DNAJC3: variants seen among roughly 807,000 people sequenced by gnomAD.
The protein encoded by DNAJC3 is DnaJ heat shock protein family (Hsp40) member C3, also known as dnaJ homolog subfamily C member 3.
Under a neutral mutation model 68.6 loss-of-function variants are expected in DNAJC3, and 38 were observed. That is an observed-to-expected ratio of 0.55 (90% CI 0.43 to 0.73). DNAJC3 has a LOEUF of 0.73. DNAJC3 is among the 30% of genes least tolerant of loss of function. The probability of loss-of-function intolerance (pLI) is 0.00; values close to 1 mark genes in which losing one functional copy is unlikely to be tolerated. For missense variants in DNAJC3, 526 were observed against 591.9 expected, an observed-to-expected ratio of 0.89 and a Z score of 1.16; for synonymous variants, 203 against 204.0, an observed-to-expected ratio of 1.00 and a Z score of 0.04.
intron 1 of DNAJC3, among the ~76,000 whole-genome samples, chr13:95,707,035 T>C (rs1463914283): frequency 6.6e-6 from 1 of 152,164 alleles, no homozygotes; most frequent in African/African-American, 2.4e-5. Flanking sequence ...AGTTTTTCCA[T>C]GGACTGGGTT....
rs1883818536 is a variant in DNAJC3, at chr13:95,792,775, GTTTATTC to G, written c.*1750_*1756del. ...TAAAAATAATTTCCAAGGCATTTCT[GTTTATTC>G]TTTAGTAATCTCACTACTGGCTATG... On this transcript the variant is annotated 3_prime_UTR_variant, in exon 12 of 12. Transcript: ENST00000602402. 6.6e-6 allele frequency: 1 copy of G among 152,090 alleles called. No homozygotes were observed. The highest frequency in any genetic ancestry group is 1.5e-5 in the Non-Finnish European group (1 of 68,006). 9.4% of individuals were successfully genotyped at this position (152,090 alleles called of 1,614,324 possible).
intron 2 of DNAJC3, among the ~76,000 whole-genome samples, chr13:95,720,918 A>G (rs985502845): frequency 6.6e-6 from 1 of 152,114 alleles, no homozygotes; most frequent in African/African-American, 2.4e-5. Context: ...AAATGTATGA[A>G]AATTTACCAT....
chr13:95,756,867 G>A (rs1882679364), intron 4 of DNAJC3, among the ~76,000 whole-genome samples: 1 of 152,122 alleles, frequency 6.6e-6, no homozygotes, highest in African/African-American at 2.4e-5. Context: ...ACAGGGCTGG[G>A]GTTGGGAGTG....
Position 95,749,147 on chromosome 13 carries a change from A to T in DNAJC3, c.394-8497A>T, listed in dbSNP as rs1039552524. 5.9e-5 allele frequency among the ~76,000 whole-genome samples: 9 copies of T among 152,274 alleles called. No homozygotes were observed. In the South Asian group the frequency reaches 1.9e-3, roughly 32 times the overall value. ...TTATGCTTATGGAAAGAACTGTTTG[A>T]GACTTAGATATGCATTTTTGTTATA... On this transcript the variant is annotated intron_variant, in intron 4 of 11. Coordinates refer to ENST00000602402, the MANE Select transcript of DNAJC3 (RefSeq NM_006260.5).
intron 2 of DNAJC3, among the ~76,000 whole-genome samples, chr13:95,712,909 G>T (rs931376116): frequency 1.3e-5 from 2 of 152,150 alleles, no homozygotes; most frequent in Non-Finnish European, 2.9e-5. Flanking sequence ...CCCAGTGGGA[G>T]TTAATTTAAT....
At chr13:95,779,387 G>A (rs971463540) in intron 9 of DNAJC3, among the ~76,000 whole-genome samples, 10 of 152,008 alleles carry the variant, frequency 6.6e-5, no homozygotes, top group Non-Finnish European at 1.5e-4. Flanking sequence ...GCCTCCCAAA[G>A]TGCTGGGATT....
At chr13:95,740,452 C>T (rs1197416522) in intron 4 of DNAJC3, among the ~76,000 whole-genome samples, 1 of 152,220 alleles carries the variant, frequency 6.6e-6, no homozygotes, top group Non-Finnish European at 1.5e-5. Flanking sequence ...GCTGTGCTAG[C>T]AATCAGCGAG....
At chr13:95,745,578 G>GA (rs1882279042) in intron 4 of DNAJC3, 1 of 152,164 alleles carries the variant, frequency 6.6e-6, no homozygotes, top group South Asian at 2.1e-4. Context: ...AAGAACATTT[G>GA]ACTGACACAG....
At chr13:95,780,551 T>C (rs1883420771) in intron 9 of DNAJC3, among the ~76,000 whole-genome samples, 1 of 152,230 alleles carries the variant, frequency 6.6e-6, no homozygotes, top group Non-Finnish European at 1.5e-5. Context: ...ATGGCTGATA[T>C]TAGCACCTGT....
intron 2 of DNAJC3, among the ~76,000 whole-genome samples, chr13:95,710,682 T>G: frequency 6.8e-6 from 1 of 146,740 alleles, no homozygotes. Context: ...TTTTGTTTTG[T>G]TTTTGTTTTT....
chr13:95,764,046 G>T (rs908696722), intron 9 of DNAJC3, 93 bp downstream of exon 9: 8 of 1,526,338 alleles, frequency 5.2e-6, no homozygotes, highest in Middle Eastern at 2.2e-4. Context: ...AAATTTACCA[G>T]AGTACCTGGA....
rs113709829 is a variant in DNAJC3 at position 95,791,608 on chromosome 13, T to C, written c.*578T>C. ...CTGTCACTGAAGGAGCAAGAGACCA[T>C]CTTTTAGGAACCCTGCCACCAAATA... On this transcript the variant is annotated 3_prime_UTR_variant, in exon 12 of 12. Coordinates refer to ENST00000602402, the MANE Select transcript of DNAJC3 (RefSeq NM_006260.5). 0.013 allele frequency: 1,989 copies of C among 152,780 alleles called. 21 individuals carry two copies. The highest frequency in any genetic ancestry group is 0.019 in the Non-Finnish European group (1,325 of 68,392). 9.5% of individuals were successfully genotyped at this position (152,780 alleles called of 1,614,324 possible). A position where few individuals can be genotyped will look rare whatever the true frequency, so the allele number is the denominator to read the frequency against.
chr13:95,691,379 G>A (rs1480552502), intron 1 of DNAJC3, among the ~76,000 whole-genome samples: 4 of 151,284 alleles, frequency 2.6e-5, no homozygotes, highest in South Asian at 2.1e-4. Flanking sequence ...CTTCTCAGAC[G>A]GGGCGGCCGG....
chr13:95,741,838 C>G (rs1225110846), intron 4 of DNAJC3, among the ~76,000 whole-genome samples: 2 of 152,178 alleles, frequency 1.3e-5, no homozygotes, highest in African/African-American at 4.8e-5. Context: ...TGGGTATAGA[C>G]TGGGCAGAGA....
chr13:95,758,625 A>G (rs1237075529), intron 5 of DNAJC3, among the ~76,000 whole-genome samples: 3 of 152,066 alleles, frequency 2.0e-5, no homozygotes, highest in African/African-American at 7.2e-5. Context: ...CTCAAAAAAA[A>G]AAAAAAAAGT....
chr13:95,727,711 G>T (rs1312766885), intron 4 of DNAJC3, among the ~76,000 whole-genome samples: 1 of 152,168 alleles, frequency 6.6e-6, no homozygotes, highest in Admixed American at 6.5e-5. Context: ...TATTGACACT[G>T]ATACAATCTA....
chr13:95,723,391 A>G lies in DNAJC3; in HGVS notation c.318+25A>G, dbSNP rs533541148. 1.8e-5 allele frequency: 29 copies of G among 1,600,654 alleles called. No individual in the cohort carries two copies. The South Asian group carries it at 3.1e-4, about 17-fold the overall frequency. ...AGTAAGTATATCTCAACTTTCTTTAAAGGGGAACTTAACAGAACTTGGGGA... is the reference window on the plus strand; with the variant it reads ...AGTAAGTATATCTCAACTTTCTTTAGAGGGGAACTTAACAGAACTTGGGGA... On this transcript the variant is annotated intron_variant, in intron 3 of 11. Transcript: ENST00000602402.
At chr13:95,773,283 A>G (rs1205122377) in intron 9 of DNAJC3, among the ~76,000 whole-genome samples, 16 of 150,560 alleles carry the variant, frequency 1.1e-4, no homozygotes. Context: ...TGATCCTCCT[A>G]CCTCAGCCTC....
chr13:95,688,520 T>G (rs1208001985), intron 1 of DNAJC3, among the ~76,000 whole-genome samples: 1 of 84,252 alleles, frequency 1.2e-5, no homozygotes, highest in East Asian at 3.1e-4. Flanking sequence ...TTTTCTACAG[T>G]TTTTTTTTTT....
Sources: gnomAD v4.1 joint callset for allele counts (sites outside exome capture counted in the v4.1 genomes callset) on GRCh38, gnomAD v4.1.1 for gene constraint, MANE v1.5 for transcripts, NCBI Gene and HGNC (gene_info 2026-07-23, HGNC 2026-07-21) for gene names.